SLC35F4: variants seen among roughly 807,000 people sequenced by gnomAD.
The protein encoded by SLC35F4 is solute carrier family 35 member F4.
A neutral mutation model predicts 44.2 loss-of-function variants in SLC35F4; 24 were observed. The observed-to-expected ratio is 0.54, with a 90% CI of 0.39 to 0.76. The LOEUF is 0.76. SLC35F4 is among the 30% of genes least tolerant of loss of function. SLC35F4 has a pLI of 0.00. For missense variants in SLC35F4, 562 were observed against 586.1 expected (o/e 0.96, Z 0.42); for synonymous variants, 238 against 223.6 (o/e 1.06, Z -0.57).
intron 4 of SLC35F4, among the ~76,000 whole-genome samples, chr14:57,572,377 C>T (rs1393708083): frequency 6.6e-6 from 1 of 152,054 alleles, no homozygotes; most frequent in Non-Finnish European, 1.5e-5. Context: ...GCGTTTTCAT[C>T]TCTTCTGTAT....
At chr14:57,937,891 G>A (rs1322328406) in intron 1 of SLC35F4, among the ~76,000 whole-genome samples, 1 of 152,032 alleles carries the variant, frequency 6.6e-6, no homozygotes, top group Non-Finnish European at 1.5e-5. Context: ...TTAACCAGGG[G>A]AACAGCAATA....
chr14:57,877,716 T>A (rs1335476670), intron 1 of SLC35F4, among the ~76,000 whole-genome samples: 1 of 142,646 alleles, frequency 7.0e-6, no homozygotes, highest in Non-Finnish European at 1.5e-5. Flanking sequence ...GATGGAGTCT[T>A]GCTCTGTTAC....
chr14:57,840,150 C>A (rs138496198), intron 1 of SLC35F4, among the ~76,000 whole-genome samples: 1 of 152,212 alleles, frequency 6.6e-6, no homozygotes, highest in Non-Finnish European at 1.5e-5. Flanking sequence ...TTTCCAAAGT[C>A]ATAAAGCTAG....
intron 1 of SLC35F4, among the ~76,000 whole-genome samples, chr14:57,890,090 G>A (rs1374740860): frequency 6.6e-6 from 1 of 152,130 alleles, no homozygotes; most frequent in Non-Finnish European, 1.5e-5. Context: ...AACTCGCTTT[G>A]ACAAAAAGAA....
intron 1 of SLC35F4, among the ~76,000 whole-genome samples, chr14:57,687,912 A>G (rs937009526): frequency 6.6e-6 from 1 of 152,240 alleles, no homozygotes; most frequent in Non-Finnish European, 1.5e-5. Context: ...GCAGCTGCGC[A>G]TTCAGGTTAA....
chr14:57,945,555 G>A (rs1380574107), intron 1 of SLC35F4, among the ~76,000 whole-genome samples: 4 of 149,682 alleles, frequency 2.7e-5, no homozygotes, highest in Non-Finnish European at 4.4e-5. Context: ...TATTTTTGCA[G>A]TTGCAAATTG....
intron 1 of SLC35F4, among the ~76,000 whole-genome samples, chr14:57,785,608 G>A (rs1244568417): frequency 6.6e-6 from 1 of 152,174 alleles, no homozygotes; most frequent in African/African-American, 2.4e-5. Flanking sequence ...CCCAACTGCA[G>A]AAGTGGGGAA....
chr14:57,672,035 G>C (rs542828143), intron 1 of SLC35F4, among the ~76,000 whole-genome samples: 2 of 152,006 alleles, frequency 1.3e-5, no homozygotes, highest in Non-Finnish European at 2.9e-5. Context: ...CCTAACTTAA[G>C]AGAAAAGAGA....
intron 1 of SLC35F4, among the ~76,000 whole-genome samples, chr14:57,620,287 AGAGAAAGGTCGG>A (rs2072104514): frequency 6.6e-6 from 1 of 152,200 alleles, no homozygotes; most frequent in East Asian, 1.9e-4. Context: ...GGGCAGCCAG[AGAGAAAGGTCGG>A]GTTACACACA....
At chr14:57,794,068 T>A (rs2077995221) in intron 1 of SLC35F4, among the ~76,000 whole-genome samples, 1 of 152,086 alleles carries the variant, frequency 6.6e-6, no homozygotes, top group Admixed American at 6.6e-5. Flanking sequence ...TTGAGATATG[T>A]TAAAGACTTA....
intron 5 of SLC35F4, among the ~76,000 whole-genome samples, chr14:57,571,519 G>A (rs754205906): frequency 2.0e-5 from 3 of 152,170 alleles, no homozygotes; most frequent in African/African-American, 4.8e-5. Context: ...CCTTTCTAAT[G>A]TTCCTGCTAT....
chr14:57,652,228 C>A (rs545691397), intron 1 of SLC35F4, among the ~76,000 whole-genome samples: 23 of 152,252 alleles, frequency 1.5e-4, no homozygotes, highest in African/African-American at 5.3e-4. Flanking sequence ...CTGAACTCCA[C>A]AGAGCTAGAA....
At chr14:57,752,458 T>C (rs1396998647) in intron 1 of SLC35F4, among the ~76,000 whole-genome samples, 1 of 150,908 alleles carries the variant, frequency 6.6e-6, no homozygotes, top group Non-Finnish European at 1.5e-5. Flanking sequence ...GGTTTTTTTT[T>C]TTCTTTTTTT....
chr14:57,574,216 T>C (rs2068663011), intron 4 of SLC35F4, among the ~76,000 whole-genome samples: 1 of 152,232 alleles, frequency 6.6e-6, no homozygotes, highest in South Asian at 2.1e-4. Flanking sequence ...TTCTATTATG[T>C]TTCCTCAAGA....
At chr14:57,976,044 C>G (rs1881204864), downstream of SLC35F4, among the ~76,000 whole-genome samples, 1 of 152,070 alleles carries the variant, frequency 6.6e-6, no homozygotes, top group Admixed American at 6.5e-5. Context: ...AGTGTAGAAA[C>G]CTGCATGAGT....
At chr14:57,665,277 A>G (rs1391122673) in intron 1 of SLC35F4, among the ~76,000 whole-genome samples, 5 of 152,162 alleles carry the variant, frequency 3.3e-5, no homozygotes, top group Non-Finnish European at 5.9e-5. Flanking sequence ...ATCCTCCCTG[A>G]GGCCTGGGTG....
chr14:57,734,074 A>G (rs1414379314), intron 1 of SLC35F4, among the ~76,000 whole-genome samples: 1 of 152,198 alleles, frequency 6.6e-6, no homozygotes, highest in Non-Finnish European at 1.5e-5. Flanking sequence ...TGGAAATAAG[A>G]ATCACTAAAA....
intron 1 of SLC35F4, among the ~76,000 whole-genome samples, chr14:57,710,318 C>T (rs2075785588): frequency 6.6e-6 from 1 of 152,168 alleles, no homozygotes; most frequent in South Asian, 2.1e-4. Context: ...GAACCTCTGC[C>T]TAGATTTTAG....
chr14:57,745,561 G>C (rs927394848), intron 1 of SLC35F4, among the ~76,000 whole-genome samples: 13 of 152,208 alleles, frequency 8.5e-5, no homozygotes, highest in East Asian at 7.7e-4. Context: ...TTAGAATGGC[G>C]ATCATTAAAA....
Sources: gnomAD v4.1 joint callset for allele counts (sites outside exome capture counted in the v4.1 genomes callset) on GRCh38, gnomAD v4.1.1 for gene constraint, MANE v1.5 for transcripts, NCBI Gene and HGNC (gene_info 2026-07-23, HGNC 2026-07-21) for gene names.